Variants in LRRIQ1 observed in about 807,000 individuals in gnomAD.
LRRIQ1 encodes leucine-rich repeat- and IQ domain-containing protein 1.
A neutral mutation model predicts 211.9 loss-of-function variants in LRRIQ1; 210 were observed. The ratio of observed to expected loss-of-function variants is 0.99; its 90% CI spans 0.89 to 1.11. The LOEUF is 1.11. LRRIQ1 is among the 50% of genes most tolerant of loss of function. The pLI, the probability that LRRIQ1 is intolerant of heterozygous loss-of-function variation, is 0.00. For synonymous variants in LRRIQ1, 699 were observed against 650.1 expected (o/e 1.08, Z -1.14); for missense variants, 2,136 against 1,939.5 (o/e 1.10, Z -1.90).
At chr12:85,208,551 A>G (rs903614079) in intron 24 of LRRIQ1, among the ~76,000 whole-genome samples, 3 of 152,192 alleles carry the variant, frequency 2.0e-5, no homozygotes, top group Non-Finnish European at 4.4e-5. Flanking sequence ...GATTCATCAG[A>G]TACAGAATAT....
rs1452776121 is a variant in LRRIQ1 at position 85,057,055 on chromosome 12, A to G, written c.2262A>G (p.Glu754=). The change falls in exon 8 of 27, where the codon GAA becomes GAG. Residue 754 remains glutamate, a synonymous_variant. Transcript: ENST00000393217. ...TAAAATCATTTAAACCTTGGCTTGAAATTTTCAAGCAAAATCAACAAAAGA... is the reference window on the plus strand; with the variant it reads ...TAAAATCATTTAAACCTTGGCTTGAGATTTTCAAGCAAAATCAACAAAAGA... ...AWIKSFKPWL[E]IFKQNQQKKI... The G allele has an allele frequency of 6.2e-6, 10 of 1,609,092 alleles. No individual in the cohort carries two copies. The Admixed American group carries it at 1.2e-4, about 19-fold the overall frequency.
intron 13 of LRRIQ1, among the ~76,000 whole-genome samples, chr12:85,100,529 A>C (rs563874739): frequency 6.6e-6 from 1 of 151,746 alleles, no homozygotes; most frequent in Non-Finnish European, 1.5e-5. Flanking sequence ...AAAATGAGTA[A>C]TGTATGTTCT....
chr12:85,233,816 A>G (rs987335362), intron 26 of LRRIQ1, among the ~76,000 whole-genome samples: 1 of 152,210 alleles, frequency 6.6e-6, no homozygotes, highest in Admixed American at 6.5e-5. Context: ...AAAATTGCTA[A>G]TTTAGGCCAT....
At chr12:85,240,049 A>G (rs1304744861) in intron 26 of LRRIQ1, among the ~76,000 whole-genome samples, 2 of 152,174 alleles carry the variant, frequency 1.3e-5, no homozygotes, top group Non-Finnish European at 2.9e-5. Context: ...TACATCCACA[A>G]ACCTGGCATA....
chr12:85,163,609 T>C (rs1232502264), intron 24 of LRRIQ1, among the ~76,000 whole-genome samples: 1 of 152,154 alleles, frequency 6.6e-6, no homozygotes, highest in Non-Finnish European at 1.5e-5. Context: ...GGGGTTTCCA[T>C]GATTCTTCTT....
rs756097902 is a variant in LRRIQ1 at position 85,055,800 on chromosome 12, G to A, written c.1007G>A (p.Arg336Gln). 16 of 1,594,616 alleles carry A rather than the reference G, an allele frequency of 1.0e-5. No homozygotes were observed. The highest frequency in any genetic ancestry group is 2.7e-5 in the African/African-American group (2 of 74,022). The change falls in exon 8 of 27, where the codon CGA (arginine) becomes CAA (glutamine). Residue 336 changes from arginine (R) to glutamine (Q), a missense_variant. By Grantham distance (43) the Arg-to-Gln change is conservative. Coordinates refer to ENST00000393217, the MANE Select transcript of LRRIQ1 (RefSeq NM_001079910.2). ...AKIRQKEEEN[R>Q]KRLEEEQRIK... is the part of the protein sequence containing the mutation. ...ATACGACAAAAGGAGGAAGAAAATC[G>A]AAAAAGATTAGAGGAGGAACAAAGG... is the stretch of plus-strand genomic sequence containing the variant.
intron 6 of LRRIQ1, among the ~76,000 whole-genome samples, chr12:85,048,818 T>C (rs1879962569): frequency 6.6e-6 from 1 of 152,140 alleles, no homozygotes; most frequent in South Asian, 2.1e-4. Flanking sequence ...AAATACATAA[T>C]TGCTATTAAG....
At chr12:85,166,930 C>G (rs1441876183) in intron 24 of LRRIQ1, among the ~76,000 whole-genome samples, 1 of 152,120 alleles carries the variant, frequency 6.6e-6, no homozygotes. Context: ...ATACCCCTAG[C>G]CCTTAGCACA....
intron 7 of LRRIQ1, 22 bp from the exon 8 acceptor site, chr12:85,055,525 C>T (rs780040661): frequency 8.3e-6 from 12 of 1,440,464 alleles, no homozygotes; most frequent in Admixed American, 2.7e-5. Context: ...TGCTGACTAC[C>T]ATGTATCTTA....
intron 19 of LRRIQ1, among the ~76,000 whole-genome samples, chr12:85,149,160 TC>T (rs1398843765): frequency 1.3e-5 from 2 of 152,076 alleles, no homozygotes; most frequent in Non-Finnish European, 2.9e-5. Flanking sequence ...TTTAATTAGA[TC>T]CCGTTTGTGA....
intron 11 of LRRIQ1, among the ~76,000 whole-genome samples, chr12:85,091,125 T>C (rs1301218290): frequency 6.6e-6 from 1 of 152,158 alleles, no homozygotes. Flanking sequence ...CTAATTGCCT[T>C]TTACGATGAT....
At chr12:85,049,279 C>A (rs192825721) in intron 6 of LRRIQ1, among the ~76,000 whole-genome samples, 7 of 152,218 alleles carry the variant, frequency 4.6e-5, no homozygotes, top group Non-Finnish European at 8.8e-5. Flanking sequence ...CAATTCCTCC[C>A]CCCTCATTAT....
intron 18 of LRRIQ1, among the ~76,000 whole-genome samples, chr12:85,129,084 A>G (rs1417914301): frequency 6.6e-6 from 1 of 152,154 alleles, no homozygotes; most frequent in Non-Finnish European, 1.5e-5. Flanking sequence ...CTTAGATACC[A>G]CTGGCGGTAC....
chr12:85,097,448 C>T (rs1468825145), intron 11 of LRRIQ1, among the ~76,000 whole-genome samples: 1 of 151,546 alleles, frequency 6.6e-6, no homozygotes, highest in Non-Finnish European at 1.5e-5. Context: ...GTGATGTTCC[C>T]CCCGCTGTGT....
intron 7 of LRRIQ1, among the ~76,000 whole-genome samples, chr12:85,053,488 T>A (rs1880572304): frequency 6.6e-6 from 1 of 152,140 alleles, no homozygotes; most frequent in South Asian, 2.1e-4. Flanking sequence ...CAAATAGCCA[T>A]CTTTAAGTAA....
chr12:85,113,907 T>TTGTGTGTGTGTGTGTGTGTGTGTG (rs71076112), intron 15 of LRRIQ1, among the ~76,000 whole-genome samples: 5 of 140,866 alleles, frequency 3.5e-5, no homozygotes, highest in African/African-American at 5.5e-5. Flanking sequence ...CAAATGAGTT[T>TTGTGTGTGTGTGTGTGTGTGTGTG]TGTGTGTGTG....
At chr12:85,043,983 G>T (rs1879223442) in intron 3 of LRRIQ1, among the ~76,000 whole-genome samples, 1 of 152,006 alleles carries the variant, frequency 6.6e-6, no homozygotes, top group Admixed American at 6.6e-5. Flanking sequence ...ATCACTCTCA[G>T]AAATCTAGCT....
intron 24 of LRRIQ1, among the ~76,000 whole-genome samples, chr12:85,197,789 T>G (rs2136991662): frequency 6.8e-6 from 1 of 146,722 alleles, no homozygotes; most frequent in South Asian, 2.1e-4. Context: ...GTAACTAACC[T>G]GCACAATGTG....
At chr12:85,124,864 A>G in intron 17 of LRRIQ1, 1 of 236,014 alleles carries the variant, frequency 4.2e-6, no homozygotes, top group Non-Finnish European at 8.3e-6. Context: ...TGAGTAATCA[A>G]GTATTTTCAT....
Sources: gnomAD v4.1 joint callset for allele counts (sites outside exome capture counted in the v4.1 genomes callset) on GRCh38, gnomAD v4.1.1 for gene constraint, MANE v1.5 for transcripts, NCBI Gene and HGNC (gene_info 2026-07-23, HGNC 2026-07-21) for gene names.